DOCK3: variants seen among roughly 807,000 people sequenced by gnomAD.
DOCK3 encodes the protein dedicator of cytokinesis protein 3.
Under a neutral mutation model 265.6 loss-of-function variants are expected in DOCK3, and 60 were observed. The ratio of observed to expected loss-of-function variants is 0.23; its 90% CI spans 0.18 to 0.28. The LOEUF (loss-of-function observed/expected upper bound fraction) is 0.28, where lower values mean the gene tolerates loss of function less well. Ranked by LOEUF, DOCK3 falls within the 10% of genes least tolerant of loss-of-function variation. The pLI, the probability that DOCK3 is intolerant of heterozygous loss-of-function variation, is 1.00. For synonymous variants in DOCK3, 881 were observed against 938.0 expected (o/e 0.94, Z 1.11); for missense variants, 1,981 against 2,594.3 (o/e 0.76, Z 5.14).
At chr3:50,998,060 T>G (rs1043420944) in intron 5 of DOCK3, among the ~76,000 whole-genome samples, 2 of 152,320 alleles carry the variant, frequency 1.3e-5, no homozygotes, top group South Asian at 4.1e-4. Flanking sequence ...TTTGAATGTT[T>G]TCTATATATA....
chr3:51,167,084 G>T (rs2086442313), intron 12 of DOCK3, among the ~76,000 whole-genome samples: 1 of 152,156 alleles, frequency 6.6e-6, no homozygotes, highest in South Asian at 2.1e-4. Flanking sequence ...TAGTTTTACA[G>T]TTTTAGGTCT....
intron 2 of DOCK3, among the ~76,000 whole-genome samples, chr3:50,824,133 C>T (rs1314406728): frequency 5.9e-5 from 9 of 152,056 alleles, no homozygotes; most frequent in African/African-American, 2.2e-4. Flanking sequence ...TTTACAAATT[C>T]TGTTGGGTTG....
intron 5 of DOCK3, among the ~76,000 whole-genome samples, chr3:50,958,521 A>G (rs2076791517): frequency 6.6e-6 from 1 of 152,220 alleles, no homozygotes; most frequent in East Asian, 1.9e-4. Context: ...GATAATACAT[A>G]TGTAAGCCCT....
chr3:50,723,539 A>G (rs2037611300), intron 1 of DOCK3, among the ~76,000 whole-genome samples: 1 of 151,966 alleles, frequency 6.6e-6, no homozygotes, highest in Non-Finnish European at 1.5e-5. Flanking sequence ...CAGAAATAAC[A>G]CCACACATCT....
At chr3:51,358,445 G>T (rs745843423) in intron 46 of DOCK3, among the ~76,000 whole-genome samples, 2 of 152,140 alleles carry the variant, frequency 1.3e-5, no homozygotes, top group Non-Finnish European at 2.9e-5. Flanking sequence ...TAAAGAGATA[G>T]GCATGGCCTG....
At chr3:51,332,226 G>A (rs1055249741) in intron 33 of DOCK3, among the ~76,000 whole-genome samples, 1 of 152,212 alleles carries the variant, frequency 6.6e-6, no homozygotes, top group Non-Finnish European at 1.5e-5. Flanking sequence ...GGGTTGTATG[G>A]AGTGAAGGAT....
intron 10 of DOCK3, among the ~76,000 whole-genome samples, chr3:51,152,611 C>T (rs1034115039): frequency 6.6e-6 from 1 of 152,158 alleles, no homozygotes; most frequent in Non-Finnish European, 1.5e-5. Context: ...TCTGCTCTGG[C>T]TTCTCCCCAT....
rs182018345 is a variant in DOCK3 at position 50,987,181 on chromosome 3, G to T, written c.315+53104G>T. Among the ~76,000 whole-genome samples, 3 of 152,102 alleles carry T rather than the reference G, an allele frequency of 2.0e-5. No homozygotes were observed. In the East Asian group the frequency reaches 5.8e-4, roughly 29 times the overall value. Reference sequence around the variant, plus strand: ...TCACAATACTGGTTTTTTTTGCCATGGAATACACATTGGTAGGATTGAAAT... The same window carrying T: ...TCACAATACTGGTTTTTTTTGCCATTGAATACACATTGGTAGGATTGAAAT... On this transcript the variant is annotated intron_variant, in intron 5 of 52. Coordinates refer to ENST00000266037, the MANE Select transcript of DOCK3 (RefSeq NM_004947.5).
At chr3:51,121,107 A>C (rs2083996297) in intron 9 of DOCK3, among the ~76,000 whole-genome samples, 1 of 152,114 alleles carries the variant, frequency 6.6e-6, no homozygotes, top group Admixed American at 6.5e-5. Context: ...CTTGAAACCC[A>C]GGGCCCTTGT....
At chr3:51,266,366 G>A (rs1010683002) in intron 23 of DOCK3, among the ~76,000 whole-genome samples, 15 of 152,144 alleles carry the variant, frequency 9.9e-5, no homozygotes, top group East Asian at 3.8e-4. Flanking sequence ...AGCCCGCATT[G>A]CCAAGTCAAT....
chr3:51,338,972 A>G lies in DOCK3; in HGVS notation c.3710A>G (p.Tyr1237Cys). 2 of 1,611,706 alleles carry G rather than the reference A, an allele frequency of 1.2e-6. No individual in the cohort carries two copies. The highest frequency in any genetic ancestry group is 1.7e-6 in the Non-Finnish European group (2 of 1,178,848). The change falls in exon 37 of 53, where the codon TAT becomes TGT. Residue 1237 changes from tyrosine to cysteine, a missense_variant. Physicochemically the swap from Tyr to Cys is radical, Grantham distance 194. Around this residue, in one of 4 missense-constraint regions of DOCK3, gnomAD observed 1,357 missense variants for 1,866.8 expected, o/e 0.73. Transcript: ENST00000266037. Reference sequence around the variant, plus strand: ...TCTGAGATTAACAAGGAAGAAATGTATATCCGCTACATCCATAAGCTTTGT... The same window carrying G: ...TCTGAGATTAACAAGGAAGAAATGTGTATCCGCTACATCCATAAGCTTTGT... ...YKSEINKEEM[Y>C]IRYIHKLCDM... is the part of the protein sequence containing the mutation.
chr3:50,708,519 G>C (rs2036556664), intron 1 of DOCK3, among the ~76,000 whole-genome samples: 1 of 152,170 alleles, frequency 6.6e-6, no homozygotes, highest in South Asian at 2.1e-4. Flanking sequence ...ATGTAGTCTA[G>C]AGGGGGCTGT....
At chr3:51,003,166 T>C (rs909113104) in intron 5 of DOCK3, among the ~76,000 whole-genome samples, 1 of 152,152 alleles carries the variant, frequency 6.6e-6, no homozygotes, top group Admixed American at 6.5e-5. Context: ...CATTAAAAAG[T>C]AGTTAAGGGG....
At chr3:50,863,745 C>A (rs1284822197) in intron 3 of DOCK3, among the ~76,000 whole-genome samples, 1 of 152,190 alleles carries the variant, frequency 6.6e-6, no homozygotes, top group Non-Finnish European at 1.5e-5. Flanking sequence ...TTTCACTTAA[C>A]GTAATGATCA....
intron 2 of DOCK3, among the ~76,000 whole-genome samples, chr3:50,827,480 C>T (rs922700453): frequency 6.6e-6 from 1 of 152,122 alleles, no homozygotes; most frequent in African/African-American, 2.4e-5. Flanking sequence ...TATAAGGGCC[C>T]TGTCCTCATG....
At chr3:50,884,112 T>A (rs1475911928) in intron 3 of DOCK3, among the ~76,000 whole-genome samples, 1 of 151,970 alleles carries the variant, frequency 6.6e-6, no homozygotes, top group Non-Finnish European at 1.5e-5. Flanking sequence ...TTTTAATTTT[T>A]GATATGGAGT....
intron 51 of DOCK3, among the ~76,000 whole-genome samples, chr3:51,376,737 C>T (rs1412135269): frequency 2.0e-5 from 3 of 152,206 alleles, no homozygotes; most frequent in East Asian, 3.9e-4. Flanking sequence ...ACGTTATCAT[C>T]GTATCTGTTC....
At chr3:50,811,151 G>A (rs1472091617) in intron 2 of DOCK3, among the ~76,000 whole-genome samples, 3 of 152,190 alleles carry the variant, frequency 2.0e-5, no homozygotes, top group Non-Finnish European at 2.9e-5. Context: ...CCTCAGTGGA[G>A]GCTGAGGTAG....
chr3:50,974,477 C>G lies in DOCK3; in HGVS notation c.315+40400C>G, dbSNP rs972597045. Among the ~76,000 whole-genome samples the G allele has an allele frequency of 4.7e-3, 721 of 151,992 alleles. 9 individuals carry two copies. Among genetic ancestry groups the G allele is most frequent in the Non-Finnish European group, 7.6e-3 (516 of 68,000 alleles). On this transcript the variant is annotated intron_variant, in intron 5 of 52. Transcript: ENST00000266037. ...ATATGCAGCGTTATTTCTGAGGGCT[C>G]TGTTCTGTTCCATTGATCTATATCT...
Sources: gnomAD v4.1 joint callset for allele counts (sites outside exome capture counted in the v4.1 genomes callset) on GRCh38, gnomAD v4.1.1 for gene constraint, gnomAD v4.1.1 regional missense constraint, MANE v1.5 for transcripts, NCBI Gene and HGNC (gene_info 2026-07-23, HGNC 2026-07-21) for gene names.